Variants in MED13 observed in about 807,000 individuals in gnomAD.
MED13 encodes the protein mediator of RNA polymerase II transcription subunit 13.
MED13 carries 23 observed loss-of-function variants against 225.2 expected under a neutral mutation model. The ratio of observed to expected loss-of-function variants is 0.10; its 90% CI spans 0.07 to 0.14. The LOEUF (loss-of-function observed/expected upper bound fraction) is 0.14, where lower values mean the gene tolerates loss of function less well. MED13 is among the 10% of genes least tolerant of loss of function. The pLI is 1.00. For synonymous variants in MED13, 942 were observed against 889.2 expected (o/e 1.06, Z -1.06); for missense variants, 2,197 against 2,594.5 (o/e 0.85, Z 3.33).
intron 19 of MED13, 73 bp downstream of exon 19, chr17:61,966,389 C>T: frequency 8.3e-7 from 1 of 1,205,272 alleles, no homozygotes; most frequent in East Asian, 2.4e-5. Flanking sequence ...AAAATTTTAT[C>T]TACAAAAACA....
chr17:62,035,564 C>T lies in MED13; in HGVS notation c.515G>A (p.Ser172Asn). The part of the protein sequence containing the change: ...CSFTFFLHGD[S>N]NVCTSVEINQ... The stretch of plus-strand genomic sequence containing the variant: ...AATTTCCACACTGGTACAAACATTG[C>T]TGTCTCCATGCAAGAAAAAGGTGAA... The change falls in exon 4 of 30, where the codon AGC (serine) becomes AAC (asparagine). Residue 172 changes from serine to asparagine, a missense_variant. Transcript: ENST00000397786. 3 of 1,613,658 alleles carry T rather than the reference C, an allele frequency of 1.9e-6. No homozygotes were observed. Among genetic ancestry groups the T allele is most frequent in the Non-Finnish European group, 1.7e-6 (2 of 1,179,814 alleles).
chr17:61,952,661 A>G (rs1281780756), intron 27 of MED13, among the ~76,000 whole-genome samples: 2 of 152,226 alleles, frequency 1.3e-5, no homozygotes, highest in Non-Finnish European at 2.9e-5. Flanking sequence ...TGCATTTCAT[A>G]TATTAATCCA....
intron 2 of MED13, among the ~76,000 whole-genome samples, chr17:62,058,520 CAA>C (rs751957495): frequency 9.4e-5 from 5 of 53,462 alleles, no homozygotes; most frequent in Non-Finnish European, 1.6e-4. Flanking sequence ...GACTTCATCT[CAA>C]AAAAAAAAAA....
intron 19 of MED13, 115 bp from the exon 20 acceptor site, chr17:61,965,583 C>G (rs537834147): frequency 1.9e-6 from 2 of 1,068,674 alleles, no homozygotes; most frequent in Non-Finnish European, 2.6e-6. Flanking sequence ...GTAATTATAG[C>G]CCCGAAATTG....
At position 61,955,855 on chromosome 17, in the gene MED13, T is replaced by TAAAAAAAAA. The variant is rs61326861; in HGVS notation, c.5624-26_5624-18dup. 92 of 814,938 alleles carry TAAAAAAAAA rather than the reference T, an allele frequency of 1.1e-4. No individual in the cohort carries two copies. The highest frequency in any genetic ancestry group is 1.1e-3 in the Middle Eastern group (2 of 1,788). The allele number at this position is 814,938 out of a possible 1,614,324, so 50.5% of individuals were successfully genotyped here. On this transcript the variant is annotated splice_polypyrimidine_tract_variant and intron_variant, in intron 24 of 29. Transcript: ENST00000397786. Reference sequence around the variant, plus strand: ...AGCTCCAATCTGTGGGTATCAACAGTAAAAAAAAAAAAAAAAAAAAAAAAA... The same window carrying TAAAAAAAAA: ...AGCTCCAATCTGTGGGTATCAACAGTAAAAAAAAAAAAAAAAAAAAAAAAAAAAAAAAAA...
At chr17:62,037,024 G>C (rs1168612565) in intron 3 of MED13, 2 of 152,104 alleles carry the variant, frequency 1.3e-5, no homozygotes, top group African/African-American at 2.4e-5. Context: ...TTGGAAGGCA[G>C]GCAGATCACT....
rs1368123895 is a variant in MED13, at chr17:62,029,371, T to C, written c.1283+170A>G. The stretch of plus-strand genomic sequence containing the variant: ...AATGAACTGAAAGCTTATATTTACA[T>C]GTACTTCTATAATCAGCTTCAAATT... On this transcript the variant is annotated intron_variant, in intron 8 of 29. Coordinates refer to ENST00000397786, the MANE Select transcript of MED13 (RefSeq NM_005121.3). 5.1e-6 allele frequency: 3 copies of C among 588,084 alleles called. No individual in the cohort carries two copies. In the East Asian group the frequency reaches 8.4e-5, roughly 17 times the overall value. 36.4% of individuals were successfully genotyped at this position (588,084 alleles called of 1,614,324 possible).
At chr17:61,968,899 G>A (rs2080082500) in intron 17 of MED13, among the ~76,000 whole-genome samples, 1 of 152,148 alleles carries the variant, frequency 6.6e-6, no homozygotes, top group African/African-American at 2.4e-5. Flanking sequence ...CTACAGGTGT[G>A]TGCCACTATG....
intron 8 of MED13, among the ~76,000 whole-genome samples, chr17:62,015,952 ATATTTTTTTTTTTT>A (rs1353214662): frequency 1.8e-3 from 19 of 10,628 alleles, no homozygotes; most frequent in African/African-American, 6.5e-3. Flanking sequence ...ATATATATAT[ATATTTTTTTTTTTT>A]TTTTTTTTTT....
intron 8 of MED13, among the ~76,000 whole-genome samples, chr17:62,028,598 T>C (rs556782963): frequency 3.3e-5 from 5 of 151,852 alleles, no homozygotes; most frequent in South Asian, 2.1e-4. Flanking sequence ...AACACTGTAT[T>C]TACTATTAAA....
At chr17:62,053,991 A>T (rs549272213) in intron 2 of MED13, among the ~76,000 whole-genome samples, 1 of 151,830 alleles carries the variant, frequency 6.6e-6, no homozygotes, top group Non-Finnish European at 1.5e-5. Flanking sequence ...AAAGCAACTA[A>T]TTTTTTTTTA....
intron 28 of MED13, among the ~76,000 whole-genome samples, chr17:61,950,423 A>G (rs1173284477): frequency 1.3e-5 from 2 of 151,300 alleles, no homozygotes; most frequent in East Asian, 3.9e-4. Flanking sequence ...AGATATTGTC[A>G]CCCAGGCTGG....
intron 4 of MED13, among the ~76,000 whole-genome samples, chr17:62,034,293 T>C (rs1298184797): frequency 1.3e-5 from 2 of 152,044 alleles, no homozygotes; most frequent in Non-Finnish European, 2.9e-5. Flanking sequence ...AAGACCAGCC[T>C]GGTCAACATG....
At chr17:62,038,350 T>C (rs1198062743) in intron 3 of MED13, among the ~76,000 whole-genome samples, 1 of 152,088 alleles carries the variant, frequency 6.6e-6, no homozygotes, top group Non-Finnish European at 1.5e-5. Flanking sequence ...TGCAGTGAGC[T>C]ATGATGACAC....
chr17:62,044,314 C>T (rs2080880349), intron 3 of MED13, among the ~76,000 whole-genome samples: 1 of 151,950 alleles, frequency 6.6e-6, no homozygotes, highest in African/African-American at 2.4e-5. Context: ...CTTGTGTAAG[C>T]AATACCACCC....
chr17:61,998,585 C>A (rs1270392085), intron 9 of MED13, among the ~76,000 whole-genome samples: 19 of 147,430 alleles, frequency 1.3e-4, no homozygotes, highest in Admixed American at 1.3e-3. Flanking sequence ...ATGTCAAAAT[C>A]TTCCCACCGC....
At chr17:62,056,555 G>C (rs560258022) in intron 2 of MED13, among the ~76,000 whole-genome samples, 5 of 152,208 alleles carry the variant, frequency 3.3e-5, no homozygotes, top group Non-Finnish European at 5.9e-5. Context: ...TTGAAGCTAG[G>C]AGTTCAAGAC....
chr17:62,007,835 G>A (rs554338608), intron 9 of MED13, among the ~76,000 whole-genome samples: 4 of 151,998 alleles, frequency 2.6e-5, no homozygotes, highest in South Asian at 2.1e-4. Flanking sequence ...GCGAGAGAAC[G>A]AGACTACGTC....
intron 9 of MED13, among the ~76,000 whole-genome samples, chr17:62,009,122 G>A (rs1229258938): frequency 1.3e-5 from 2 of 152,092 alleles, no homozygotes; most frequent in Non-Finnish European, 2.9e-5. Flanking sequence ...CTAATAAATA[G>A]GTAGACAGTT....
Sources: allele counts gnomAD v4.1 joint callset (sites outside exome capture counted in the v4.1 genomes callset), GRCh38; gene constraint gnomAD v4.1.1; transcripts MANE v1.5; gene names NCBI Gene and HGNC (gene_info 2026-07-23, HGNC 2026-07-21).